The following CEP63 variants were observed in gnomAD, a reference collection of about 807,000 sequenced individuals.
CEP63 encodes centrosomal protein 63.
Under a neutral mutation model 89.1 loss-of-function variants are expected in CEP63, and 84 were observed. The observed-to-expected ratio is 0.94, with a 90% CI of 0.79 to 1.13. CEP63 has a LOEUF of 1.13. Ranked by LOEUF, CEP63 falls within the 50% of genes most tolerant of loss-of-function variation. CEP63 has a pLI of 0.00. For missense variants in CEP63, 838 were observed against 813.3 expected (o/e 1.03, Z -0.37); for synonymous variants, 267 against 272.5 (o/e 0.98, Z 0.20).
the CEP63 span, chr3:134,651,287 C>G: frequency 8.4e-7 from 1 of 1,187,032 alleles, no homozygotes; most frequent in Non-Finnish European, 1.1e-6. Context: ...CCCTGCCTCC[C>G]GCCCGGTGCA....
downstream of CEP63, among the ~76,000 whole-genome samples, chr3:134,578,339 T>TGTTTG (rs1560077899): frequency 4.3e-5 from 6 of 138,116 alleles, no homozygotes; most frequent in Admixed American, 1.5e-4. Flanking sequence ...TTTTTTTTTT[T>TGTTTG]TTTTTTTTGA....
chr3:134,717,742 A>T, the CEP63 span, among the ~76,000 whole-genome samples: 6 of 152,210 alleles, frequency 3.9e-5, no homozygotes, highest in African/African-American at 1.4e-4. Flanking sequence ...AGGCAGAAGA[A>T]ATTGCCTGAG....
chr3:134,747,180 C>T, the CEP63 span, among the ~76,000 whole-genome samples: 1 of 152,192 alleles, frequency 6.6e-6, no homozygotes, highest in Non-Finnish European at 1.5e-5. Context: ...TAAATATAGA[C>T]TCCTTTCCCC....
At chr3:134,778,819 C>G in the CEP63 span, among the ~76,000 whole-genome samples, 1 of 152,204 alleles carries the variant, frequency 6.6e-6, no homozygotes, top group Non-Finnish European at 1.5e-5. Flanking sequence ...CTTGGCCTCC[C>G]AAAGTGCTGG....
chr3:134,638,942 G>A, the CEP63 span, among the ~76,000 whole-genome samples: 3 of 152,066 alleles, frequency 2.0e-5, no homozygotes, highest in Non-Finnish European at 2.9e-5. Flanking sequence ...ATGCACACGG[G>A]TGTATATGTG....
the CEP63 span, among the ~76,000 whole-genome samples, chr3:134,686,036 C>T: frequency 7.2e-5 from 11 of 152,184 alleles, no homozygotes; most frequent in African/African-American, 2.7e-4. Flanking sequence ...GGGTCCAAGC[C>T]CTGGTCTGTC....
chr3:134,687,836 G>A, the CEP63 span, among the ~76,000 whole-genome samples: 1 of 152,120 alleles, frequency 6.6e-6, no homozygotes, highest in Non-Finnish European at 1.5e-5. Flanking sequence ...CCACAGCTGT[G>A]GACTGTCCTT....
At chr3:134,532,146 T>TG (rs1325060782) in intron 4 of CEP63, among the ~76,000 whole-genome samples, 2 of 152,240 alleles carry the variant, frequency 1.3e-5, no homozygotes, top group Non-Finnish European at 2.9e-5. Context: ...CTAGAAGAGA[T>TG]GCTAAAATAT....
intron 5 of CEP63, chr3:134,535,379 A>G (rs1950572032): frequency 6.6e-6 from 1 of 152,034 alleles, no homozygotes. Flanking sequence ...CCAACTCCTT[A>G]ACCACTTTCT....
the CEP63 span, among the ~76,000 whole-genome samples, chr3:134,693,727 A>G: frequency 6.6e-6 from 1 of 152,186 alleles, no homozygotes; most frequent in South Asian, 2.1e-4. Context: ...CATGGTCACC[A>G]AACTCTTGGA....
chr3:134,604,097 T>C, the CEP63 span: 1 of 1,612,902 alleles, frequency 6.2e-7, no homozygotes, highest in Non-Finnish European at 8.5e-7. Flanking sequence ...AGGACATTAA[T>C]GCCCTCCTCC....
the CEP63 span, among the ~76,000 whole-genome samples, chr3:134,720,472 T>C: frequency 1.3e-5 from 2 of 152,136 alleles, no homozygotes; most frequent in Non-Finnish European, 2.9e-5. Context: ...TTTGACAAAG[T>C]CTAATTTATC....
chr3:134,662,632 T>C, the CEP63 span, among the ~76,000 whole-genome samples: 1 of 152,184 alleles, frequency 6.6e-6, no homozygotes. Flanking sequence ...TCAGCATGAA[T>C]AAAACACAAA....
chr3:134,505,281 A>G (rs1188854713), intron 2 of CEP63, among the ~76,000 whole-genome samples: 1 of 151,718 alleles, frequency 6.6e-6, no homozygotes. Flanking sequence ...AATTTTTTTC[A>G]TATAGGTGTA....
chr3:134,700,090 ACC>A, the CEP63 span, among the ~76,000 whole-genome samples: 1 of 152,208 alleles, frequency 6.6e-6, no homozygotes, highest in Non-Finnish European at 1.5e-5. Context: ...GGCTTGTGCC[ACC>A]CTAGTGCTCA....
At chr3:134,583,042 TA>T (rs1176949724) in intron 10 of CEP63, among the ~76,000 whole-genome samples, 1 of 152,252 alleles carries the variant, frequency 6.6e-6, no homozygotes, top group Non-Finnish European at 1.5e-5. Flanking sequence ...TTTTTTCTTG[TA>T]AATTTGTGTA....
At chr3:134,550,653 G>A (rs182161642) in intron 11 of CEP63, among the ~76,000 whole-genome samples, 43 of 152,304 alleles carry the variant, frequency 2.8e-4, no homozygotes, top group Admixed American at 5.9e-4. Flanking sequence ...TGCTGTGGTT[G>A]AAACTAGAGT....
intron 10 of CEP63, among the ~76,000 whole-genome samples, chr3:134,584,506 C>T (rs957865766): frequency 3.3e-5 from 5 of 152,148 alleles, no homozygotes; most frequent in African/African-American, 1.2e-4. Flanking sequence ...TTGAACCAGT[C>T]TTGAATCCCA....
At chr3:134,538,531 GTGTATATATATATATA>G (rs1290796908) in intron 6 of CEP63, among the ~76,000 whole-genome samples, 4 of 99,680 alleles carry the variant, frequency 4.0e-5, no homozygotes, top group Non-Finnish European at 6.5e-5. Context: ...TTGTGTGTGT[GTGTATATATATATATA>G]TATATATGTA....
Sources: gnomAD v4.1 joint callset for allele counts (sites outside exome capture counted in the v4.1 genomes callset) on GRCh38, gnomAD v4.1.1 for gene constraint, MANE v1.5 for transcripts, NCBI Gene and HGNC (gene_info 2026-07-23, HGNC 2026-07-21) for gene names.